The following GSE1 variants were observed in gnomAD, a reference collection of about 807,000 sequenced individuals.
GSE1 encodes the protein Gse1 coiled-coil protein.
Under a neutral mutation model 112.6 loss-of-function variants are expected in GSE1, and 32 were observed. That is an observed-to-expected ratio of 0.28 (90% CI 0.21 to 0.38). The LOEUF is 0.38. Among genes scored for constraint, GSE1 ranks in the 10% least tolerant of loss-of-function variants. GSE1 has a pLI of 1.00. For missense variants in GSE1, 2,348 were observed against 1,699.2 expected (o/e 1.38, Z -6.71); for synonymous variants, 1,115 against 735.6 (o/e 1.52, Z -8.35).
At chr16:85,613,256 C>A, upstream of GSE1, 1 of 1,525,700 alleles carries the variant, frequency 6.6e-7, no homozygotes, top group African/African-American at 1.4e-5. Context: ...TGGCCGGGGC[C>A]CCGGAAGCTC....
At chr16:85,521,928 C>T (rs2052200413) in intron 2 of GSE1, among the ~76,000 whole-genome samples, 2 of 152,248 alleles carry the variant, frequency 1.3e-5, no homozygotes. Context: ...ACAGAGCGTG[C>T]CAGCGTGAAG....
chr16:85,582,226 C>T (rs925515707), intron 1 of GSE1: 3 of 152,212 alleles, frequency 2.0e-5, no homozygotes, highest in East Asian at 1.9e-4. Context: ...AAACATTGCC[C>T]CTCCTCCCCC....
Position 85,656,549 on chromosome 16 carries a change from T to C in GSE1, c.1196T>C (p.Leu399Pro). The part of the protein sequence containing the change: ...REQRAREKEL[L>P]AAKALEPSFL... ...CAGCGGGCCCGGGAGAAGGAGCTGC[T>C]GGCCGCCAAGGCCCTGGAGCCCAGC... The change falls in exon 7 of 16, where the codon CTG becomes CCG. Residue 399 changes from leucine to proline, a missense_variant. Transcript: ENST00000253458. 2 of 1,548,670 alleles carry C rather than the reference T, an allele frequency of 1.3e-6. No individual in the cohort carries two copies. Among genetic ancestry groups the C allele is most frequent in the Non-Finnish European group, 1.7e-6 (2 of 1,146,406 alleles).
intron 2 of GSE1, among the ~76,000 whole-genome samples, chr16:85,544,693 C>T (rs753416146): frequency 5.3e-5 from 8 of 152,198 alleles, no homozygotes; most frequent in Non-Finnish European, 7.3e-5. Flanking sequence ...GCGAGATCTG[C>T]GTGTCATCCA....
At chr16:85,632,995 CT>C (rs1167096695) in intron 1 of GSE1, among the ~76,000 whole-genome samples, 3 of 147,870 alleles carry the variant, frequency 2.0e-5, no homozygotes, top group East Asian at 2.1e-4. Context: ...GTGGCTGCCC[CT>C]GGGCTCAGAC....
At chr16:85,416,337 C>A (rs2048701727) in intron 2 of GSE1, among the ~76,000 whole-genome samples, 1 of 152,092 alleles carries the variant, frequency 6.6e-6, no homozygotes, top group Non-Finnish European at 1.5e-5. Flanking sequence ...CCTAATTTCT[C>A]AAGGTTGAAT....
chr16:85,533,248 A>AT (rs2044194864), intron 2 of GSE1, among the ~76,000 whole-genome samples: 1 of 47,670 alleles, frequency 2.1e-5, no homozygotes, highest in Non-Finnish European at 4.7e-5. Context: ...TGTCTCTACT[A>AT]AAAAAAAAAA....
At chr16:85,359,686 C>T (rs923475826) in intron 2 of GSE1, among the ~76,000 whole-genome samples, 1 of 152,176 alleles carries the variant, frequency 6.6e-6, no homozygotes, top group Admixed American at 6.5e-5. Flanking sequence ...TCCTGCAGGC[C>T]AGAGAGGCTG....
intron 2 of GSE1, among the ~76,000 whole-genome samples, chr16:85,542,121 G>T (rs1384991668): frequency 6.6e-6 from 1 of 152,206 alleles, no homozygotes; most frequent in Non-Finnish European, 1.5e-5. Flanking sequence ...GGTTGGAGGA[G>T]GGGGAGCCCG....
At chr16:85,602,416 G>A (rs2047506038) in intron 1 of GSE1, among the ~76,000 whole-genome samples, 1 of 152,236 alleles carries the variant, frequency 6.6e-6, no homozygotes, top group Non-Finnish European at 1.5e-5. Context: ...ATCCCTGGGA[G>A]GCTTCTTGGG....
intron 2 of GSE1, among the ~76,000 whole-genome samples, chr16:85,497,420 C>A (rs1379643795): frequency 1.3e-5 from 2 of 152,196 alleles, no homozygotes; most frequent in Non-Finnish European, 2.9e-5. Context: ...GCTGTAGAGC[C>A]CTCCAGGGGC....
At chr16:85,217,504 A>T (rs1437349884) in intron 1 of GSE1, among the ~76,000 whole-genome samples, 1 of 152,218 alleles carries the variant, frequency 6.6e-6, no homozygotes, top group Non-Finnish European at 1.5e-5. Flanking sequence ...GAGTTTGACC[A>T]GGGGGATCCC....
chr16:85,634,014 C>G lies in GSE1; in HGVS notation c.108C>G (p.Gly36=), dbSNP rs538453007. The part of the protein sequence containing the change: ...VNPLTPSPLN[G]ALVPSGSPAT... Reference sequence around the variant, plus strand: ...CCCTCACCCCCTCGCCGCTCAATGGCGCCCTGGTGCCCAGCGGCAGCCCCG... The same window carrying G: ...CCCTCACCCCCTCGCCGCTCAATGGGGCCCTGGTGCCCAGCGGCAGCCCCG... The change falls in exon 2 of 16, where the codon GGC becomes GGG. Residue 36 remains glycine, a synonymous_variant. Coordinates refer to ENST00000253458, the MANE Select transcript of GSE1 (RefSeq NM_014615.5). 6.2e-7 allele frequency: 1 copy of G among 1,612,094 alleles called. No individual in the cohort carries two copies. Among genetic ancestry groups the G allele is most frequent in the East Asian group, 2.2e-5 (1 of 44,856 alleles).
chr16:85,388,317 TG>T, intron 2 of GSE1, among the ~76,000 whole-genome samples: 3 of 95,786 alleles, frequency 3.1e-5, no homozygotes, highest in Admixed American at 1.0e-4. Flanking sequence ...GATGGATGGA[TG>T]GATGGATGGA....
chr16:85,663,070 C>T lies in GSE1; in HGVS notation c.2350C>T (p.Leu784Phe). The T allele has an allele frequency of 6.2e-7, 1 of 1,611,124 alleles. No homozygotes were observed. Among genetic ancestry groups the T allele is most frequent in the Middle Eastern group, 1.7e-4 (1 of 6,060 alleles). Residue 784 changes from leucine (L) to phenylalanine (F), a missense_variant, in exon 10 of 16, where the codon CTC (leucine) becomes TTC (phenylalanine). Physicochemically the swap from Leu to Phe is conservative, Grantham distance 22. Transcript: ENST00000253458. ...HLRCVAEQPPLKLDTSSEKLE... is the reference protein window; with the variant it reads ...HLRCVAEQPPFKLDTSSEKLE... ...CCGTTGCGTGGCCGAGCAGCCGCCC[C>T]TCAAACTGGACACGTCCTCTGAGGT...
chr16:85,314,086 G>A (rs1398019737), intron 1 of GSE1, among the ~76,000 whole-genome samples: 1 of 151,794 alleles, frequency 6.6e-6, no homozygotes, highest in Non-Finnish European at 1.5e-5. Flanking sequence ...CCATTTGTAT[G>A]TGTGTGTGAC....
At chr16:85,558,958 A>T (rs2045383581) in intron 1 of GSE1, among the ~76,000 whole-genome samples, 1 of 152,090 alleles carries the variant, frequency 6.6e-6, no homozygotes, top group Non-Finnish European at 1.5e-5. Context: ...TCCAGGTTCA[A>T]GAGGTTCTCC....
At chr16:85,242,387 G>C (rs1026223750) in intron 1 of GSE1, among the ~76,000 whole-genome samples, 1 of 152,216 alleles carries the variant, frequency 6.6e-6, no homozygotes, top group Non-Finnish European at 1.5e-5. Flanking sequence ...GGAAGGGGTG[G>C]GTCAGTGTGG....
At chr16:85,491,992 G>C (rs866629914) in intron 2 of GSE1, among the ~76,000 whole-genome samples, 4 of 152,148 alleles carry the variant, frequency 2.6e-5, no homozygotes, top group African/African-American at 9.7e-5. Context: ...GCATCTTTCT[G>C]CTTACCTGGG....
Sources: gnomAD v4.1 joint callset for allele counts (sites outside exome capture counted in the v4.1 genomes callset) on GRCh38, gnomAD v4.1.1 for gene constraint, MANE v1.5 for transcripts, NCBI Gene and HGNC (gene_info 2026-07-23, HGNC 2026-07-21) for gene names.